The following EVC2 variants were observed in gnomAD, a reference collection of about 807,000 sequenced individuals.
EVC2 encodes EvC ciliary complex subunit 2, also known as limbin.
Under a neutral mutation model 149.3 loss-of-function variants are expected in EVC2, and 148 were observed. The observed-to-expected ratio is 0.99, with a 90% CI of 0.87 to 1.14. EVC2 has a LOEUF of 1.14. EVC2 is among the 50% of genes most tolerant of loss of function. EVC2 has a pLI of 0.00. For missense variants in EVC2, 1,854 were observed against 1,627.3 expected (o/e 1.14, Z -2.40); for synonymous variants, 776 against 649.9 (o/e 1.19, Z -2.95).
At chr4:5,647,173 A>G (rs547875773) in intron 9 of EVC2, among the ~76,000 whole-genome samples, 15 of 152,268 alleles carry the variant, frequency 9.9e-5, no homozygotes, top group African/African-American at 3.6e-4. Context: ...GGATACCCAC[A>G]GGGGAATAAT....
In EVC2 at chr4:5,665,406, G is replaced by A. The variant is rs75886611; in HGVS notation, c.1005+109C>T. The A allele has an allele frequency of 0.17, 265,151 of 1,535,282 alleles. 23,548 individuals are homozygous for A. The highest frequency in any genetic ancestry group is 0.22 in the Middle Eastern group (1,296 of 5,854). ...CCCTGGGCATGGGTTTTTGTGCACA[G>A]CTCCCTCAGCAATGCTGATGGGGAT... On this transcript the variant is annotated intron_variant, in intron 8 of 21. Coordinates refer to ENST00000344408, the MANE Select transcript of EVC2 (RefSeq NM_147127.5).
chr4:5,629,996 T>C (rs1286286226), intron 11 of EVC2, among the ~76,000 whole-genome samples: 1 of 152,242 alleles, frequency 6.6e-6, no homozygotes, highest in Non-Finnish European at 1.5e-5. Context: ...TTGAGTGCTC[T>C]GGCATTGAGA....
intron 2 of EVC2, among the ~76,000 whole-genome samples, chr4:5,694,833 T>C (rs1231702451): frequency 1.3e-5 from 2 of 152,126 alleles, no homozygotes; most frequent in African/African-American, 4.8e-5. Flanking sequence ...TGGGCTTGAG[T>C]CCTGGCTCTG....
rs751979065 is a variant in EVC2 at position 5,696,087 on chromosome 4, G to A, written c.283+1506C>T. On this transcript the variant is annotated intron_variant, in intron 2 of 21. Coordinates refer to ENST00000344408, the MANE Select transcript of EVC2 (RefSeq NM_147127.5). This position sits in a 1 kb window ranked among gnomAD's most constrained non-coding sequence, Gnocchi z 4.1. Reference sequence around the variant, plus strand: ...AGGTGAGCGGCTGATTCAGAGCATCGGGAATGTCTGAGTAGAGCATATGGG... The same window carrying A: ...AGGTGAGCGGCTGATTCAGAGCATCAGGAATGTCTGAGTAGAGCATATGGG... 2.8e-4 allele frequency among the ~76,000 whole-genome samples: 43 copies of A among 152,136 alleles called. No individual in the cohort carries two copies. The highest frequency in any genetic ancestry group is 9.2e-4 in the African/African-American group (38 of 41,450).
At position 5,679,486 on chromosome 4, in the gene EVC2, C is replaced by T. The variant is rs1720205627; in HGVS notation, c.870+1774G>A. 6.6e-6 allele frequency among the ~76,000 whole-genome samples: 1 copy of T among 152,150 alleles called. No individual in the cohort carries two copies. Among genetic ancestry groups the T allele is most frequent in the Admixed American group, 6.5e-5 (1 of 15,270 alleles). On this transcript the variant is annotated intron_variant, in intron 7 of 21. Transcript: ENST00000344408. The surrounding 1 kb of genome is among the most constrained non-coding windows in gnomAD (Gnocchi z 5.1). ...CTCCTGGCTTCAAGTGATCAGCCCA[C>T]CTCAGCCTCCCAAAGTACTGAGATT... is the stretch of plus-strand genomic sequence containing the variant.
In EVC2 at chr4:5,708,419, C is replaced by T. The variant is rs1356057885; in HGVS notation, c.95G>A (p.Gly32Asp). 4.0e-6 allele frequency: 6 copies of T among 1,503,526 alleles called. No individual in the cohort carries two copies. The African/African-American group carries it at 5.8e-5, about 15-fold the overall frequency. The allele number at this position is 1,503,526 out of a possible 1,614,324, so 93.1% of individuals were successfully genotyped here. A position where few individuals can be genotyped will look rare whatever the true frequency, so the allele number is the denominator to read the frequency against. ...GCGCCAGCGGGGACGTGAGCTGGCG[C>T]CGAGACAGCCTCGGCCCCCCAGCGC... ...ALALGGRGCL[G>D]ASSRPRWRPL... Residue 32 changes from glycine (G) to aspartate (D), a missense_variant, in exon 1 of 22, where the codon GGC (glycine) becomes GAC (aspartate). By Grantham distance (94) the Gly-to-Asp change is moderately conservative (BLOSUM62 -1). Transcript: ENST00000344408.
At position 5,640,391 on chromosome 4, in the gene EVC2, T is replaced by G; in HGVS notation, c.1470+123A>C. The stretch of plus-strand genomic sequence containing the variant: ...AAGGATGAATAGATGAATGAGTGGG[T>G]GGTTGGATGGATGATGGGTAGACGG... On this transcript the variant is annotated intron_variant, in intron 10 of 21. Transcript: ENST00000344408. The surrounding 1 kb of genome is among the most constrained non-coding windows in gnomAD (Gnocchi z 4.6). 9.2e-7 allele frequency: 1 copy of G among 1,087,086 alleles called. No individual in the cohort carries two copies. Among genetic ancestry groups the G allele is most frequent in the Non-Finnish European group, 1.4e-6 (1 of 705,048 alleles). The allele number at this position is 1,087,086 out of a possible 1,614,324, so 67.3% of individuals were successfully genotyped here.
At position 5,636,167 on chromosome 4, in the gene EVC2, C is replaced by T. The variant is rs1399941105; in HGVS notation, c.1471-4135G>A. Reference sequence around the variant, plus strand: ...AAGGAGACCCAGGGTGACTGGGTAACGTGCCTACTGGAGGAAAAGAGGGAG... The same window carrying T: ...AAGGAGACCCAGGGTGACTGGGTAATGTGCCTACTGGAGGAAAAGAGGGAG... On this transcript the variant is annotated intron_variant, in intron 10 of 21. Transcript: ENST00000344408. The surrounding 1 kb of genome is among the most constrained non-coding windows in gnomAD (Gnocchi z 4.6). Among the ~76,000 whole-genome samples the T allele has an allele frequency of 1.9e-4, 29 of 152,118 alleles. No homozygotes were observed. The highest frequency in any genetic ancestry group is 2.6e-4 in the Non-Finnish European group (18 of 68,036).
intron 3 of EVC2, among the ~76,000 whole-genome samples, chr4:5,692,932 C>T (rs899380325): frequency 4.0e-5 from 6 of 150,156 alleles, no homozygotes; most frequent in African/African-American, 7.4e-5. Context: ...CCAAAGAACA[C>T]GCGGACAATA....
chr4:5,626,042 C>A, intron 12 of EVC2, 134 bp from the exon 13 acceptor site: 1 of 1,045,130 alleles, frequency 9.6e-7, no homozygotes. Context: ...AGAAGAATTA[C>A]AAGAATGGGC....
downstream of EVC2, among the ~76,000 whole-genome samples, chr4:5,542,176 G>T (rs1331686827): frequency 6.6e-6 from 1 of 152,176 alleles, no homozygotes; most frequent in Non-Finnish European, 1.5e-5. Context: ...TGCAGGTAGG[G>T]TGTGGTCACT....
In EVC2 at chr4:5,640,766, G is replaced by A. The variant is rs770207135; in HGVS notation, c.1218C>T (p.Ile406=). ...EACRTQISKD[I]IALLLKNLTS... ...TGAGATTTTTCAGCAGAAGGGCAATGATATCCTTGCTGATTTGTGTTCGAC... is the reference window on the plus strand; with the variant it reads ...TGAGATTTTTCAGCAGAAGGGCAATAATATCCTTGCTGATTTGTGTTCGAC... The change falls in exon 10 of 22, where the codon ATC becomes ATT. Residue 406 remains isoleucine (I), a synonymous_variant. Coordinates refer to ENST00000344408, the MANE Select transcript of EVC2 (RefSeq NM_147127.5). This position sits in a 1 kb window ranked among gnomAD's most constrained non-coding sequence, Gnocchi z 4.6. The A allele has an allele frequency of 6.2e-7, 1 of 1,614,194 alleles. No homozygotes were observed. Among genetic ancestry groups the A allele is most frequent in the South Asian group, 1.1e-5 (1 of 91,080 alleles).
chr4:5,683,492 G>A (rs1328132004), intron 6 of EVC2, among the ~76,000 whole-genome samples: 2 of 152,134 alleles, frequency 1.3e-5, no homozygotes, highest in East Asian at 3.9e-4. Context: ...CAATGTTACT[G>A]AGCACCTATT....
chr4:5,680,709 C>T (rs1483018810), intron 7 of EVC2, among the ~76,000 whole-genome samples: 5 of 152,220 alleles, frequency 3.3e-5, no homozygotes, highest in Non-Finnish European at 7.3e-5. Flanking sequence ...GTAAAGATGA[C>T]ATAATTCCAC....
chr4:5,618,735 G>A lies in EVC2; in HGVS notation c.2502-53C>T, dbSNP rs1045073035. 6.5e-7 allele frequency: 1 copy of A among 1,528,514 alleles called. No individual in the cohort carries two copies. The highest frequency in any genetic ancestry group is 8.9e-7 in the Non-Finnish European group (1 of 1,125,668). 94.7% of individuals were successfully genotyped at this position (1,528,514 alleles called of 1,614,324 possible). A position where few individuals can be genotyped will look rare whatever the true frequency, so the allele number is the denominator to read the frequency against. Reference sequence around the variant, plus strand: ...TAACACAGAGAAAGCCTGGGGGCTGGGCTGGGGTGAAGAAGCCAGAGATGC... The same window carrying A: ...TAACACAGAGAAAGCCTGGGGGCTGAGCTGGGGTGAAGAAGCCAGAGATGC... On this transcript the variant is annotated intron_variant, in intron 14 of 21. Coordinates refer to ENST00000344408, the MANE Select transcript of EVC2 (RefSeq NM_147127.5). This position sits in a 1 kb window ranked among gnomAD's most constrained non-coding sequence, Gnocchi z 4.4.
At chr4:5,630,424 A>G (rs1716449163) in intron 11 of EVC2, among the ~76,000 whole-genome samples, 1 of 152,144 alleles carries the variant, frequency 6.6e-6, no homozygotes, top group Admixed American at 6.5e-5. Flanking sequence ...TGTCTTAGCA[A>G]TGGAGTAACA....
the EVC2 span, among the ~76,000 whole-genome samples, chr4:5,536,680 A>C: frequency 2.6e-5 from 4 of 151,960 alleles, no homozygotes; most frequent in South Asian, 8.3e-4. Context: ...GCTACTCGGG[A>C]TGCTGAGGCA....
intron 9 of EVC2, among the ~76,000 whole-genome samples, chr4:5,658,562 T>C (rs963817924): frequency 6.6e-6 from 1 of 152,146 alleles, no homozygotes; most frequent in Non-Finnish European, 1.5e-5. Flanking sequence ...CCAGAAAGAG[T>C]CCTAAGCTCA....
Position 5,685,298 on chromosome 4 carries a change from G to A in EVC2, c.816+72C>T, listed in dbSNP as rs1012739983. 77 of 1,410,500 alleles carry A rather than the reference G, an allele frequency of 5.5e-5. No individual in the cohort carries two copies. The African/African-American group carries it at 9.9e-4, about 18-fold the overall frequency. 87.4% of individuals were successfully genotyped at this position (1,410,500 alleles called of 1,614,324 possible). ...GAAGGAACTAACAGGTCTTCTGTCT[G>A]AAGTGTCCCTATTTCTAAAACAACC... is the stretch of plus-strand genomic sequence containing the variant. On this transcript the variant is annotated intron_variant, in intron 6 of 21. Coordinates refer to ENST00000344408, the MANE Select transcript of EVC2 (RefSeq NM_147127.5).
Sources: gnomAD v4.1 joint callset for allele counts (sites outside exome capture counted in the v4.1 genomes callset) on GRCh38, gnomAD v4.1.1 for gene constraint, Gnocchi (gnomAD v3.1) non-coding constraint, MANE v1.5 for transcripts, NCBI Gene and HGNC (gene_info 2026-07-23, HGNC 2026-07-21) for gene names.